DMD: variants seen among roughly 807,000 people sequenced by gnomAD.
The protein encoded by DMD is mutant dystrophin.
Under a neutral mutation model 330.1 loss-of-function variants are expected in DMD, and 63 were observed. The ratio of observed to expected loss-of-function variants is 0.19; its 90% CI spans 0.16 to 0.24. The LOEUF (loss-of-function observed/expected upper bound fraction) is 0.24. Among genes scored for constraint, DMD ranks in the 10% least tolerant of loss-of-function variants. The pLI is 1.00. For synonymous variants in DMD, 1,223 were observed against 959.8 expected (o/e 1.27, Z -5.07); for missense variants, 3,344 against 2,684.1 (o/e 1.25, Z -5.43).
chrX:32,308,480 C>A (rs1232125406), intron 42 of DMD, among the ~76,000 whole-genome samples: 1 of 110,812 alleles, frequency 9.0e-6, no homozygotes, highest in Admixed American at 9.7e-5. Context: ...AAACTATCCC[C>A]CTTCAAAAAA....
chrX:33,015,158 T>G (rs1056205451), intron 2 of DMD, among the ~76,000 whole-genome samples: 6 of 110,637 alleles, frequency 5.4e-5, no homozygotes, highest in Non-Finnish European at 1.1e-4. Context: ...AGCAATCCCA[T>G]TACTGGGCAT....
chrX:31,147,524 G>T lies in DMD; in HGVS notation c.10554-6C>A. On this transcript the variant is annotated splice_polypyrimidine_tract_variant and splice_region_variant and intron_variant, in intron 74 of 78. Coordinates refer to ENST00000357033, the MANE Select transcript of DMD (RefSeq NM_004006.3). ...CATATTCTGCTTGCAGATTCCTATTGGCATCAAAAAAGTAAAAAAGAAAAA... is the reference window on the plus strand; with the variant it reads ...CATATTCTGCTTGCAGATTCCTATTTGCATCAAAAAAGTAAAAAAGAAAAA... 1 of 1,149,552 alleles carries T rather than the reference G, an allele frequency of 8.7e-7. No individual in the cohort carries two copies. 94.7% of individuals were successfully genotyped at this position (1,149,552 alleles called of 1,213,427 possible). A position where few individuals can be genotyped will look rare whatever the true frequency, so the allele number is the denominator to read the frequency against.
chrX:33,023,537 G>A (rs2093951160), intron 1 of DMD, among the ~76,000 whole-genome samples: 1 of 111,386 alleles, frequency 9.0e-6, no homozygotes, highest in South Asian at 3.7e-4. Context: ...TAGATGTAAG[G>A]AGATCCTTGA....
At chrX:32,911,367 G>A (rs921452448) in intron 2 of DMD, among the ~76,000 whole-genome samples, 3 of 111,713 alleles carry the variant, frequency 2.7e-5, no homozygotes, top group African/African-American at 9.8e-5. Flanking sequence ...GCCATAACAT[G>A]TTCTGATTTC....
intron 1 of DMD, among the ~76,000 whole-genome samples, chrX:33,074,262 T>A (rs1260435892): frequency 8.9e-6 from 1 of 111,899 alleles, no homozygotes; most frequent in Non-Finnish European, 1.9e-5. Context: ...CACTTTACTT[T>A]TTTTTGTCTA....
At chrX:31,154,290 T>A (rs2037821807) in intron 74 of DMD, among the ~76,000 whole-genome samples, 1 of 110,466 alleles carries the variant, frequency 9.1e-6, no homozygotes, top group Admixed American at 9.6e-5. Flanking sequence ...TGTTTTTTTT[T>A]TATTTTTTTA....
intron 1 of DMD, among the ~76,000 whole-genome samples, chrX:33,049,821 A>G (rs1388835658): frequency 8.9e-6 from 1 of 111,930 alleles, no homozygotes; most frequent in Non-Finnish European, 1.9e-5. Context: ...TGTTAAGTTC[A>G]CTTAAATATT....
intron 55 of DMD, among the ~76,000 whole-genome samples, chrX:31,559,371 G>A (rs1280995396): frequency 4.1e-5 from 4 of 98,610 alleles, no homozygotes; most frequent in Admixed American, 1.1e-4. Flanking sequence ...TGCCGGGCGC[G>A]GTGGCTCACG....
intron 2 of DMD, among the ~76,000 whole-genome samples, chrX:33,011,147 G>A (rs961158419): frequency 8.1e-5 from 9 of 111,637 alleles, no homozygotes; most frequent in African/African-American, 2.6e-4. Context: ...TGAAGCATTA[G>A]TGGTGGTGGG....
intron 2 of DMD, among the ~76,000 whole-genome samples, chrX:32,989,770 T>A (rs1230547693): frequency 1.8e-5 from 2 of 111,390 alleles, no homozygotes; most frequent in East Asian, 5.6e-4. Flanking sequence ...AAAAGTACTT[T>A]GTGTAAATAG....
chrX:31,632,243 G>A (rs975123027), intron 54 of DMD, among the ~76,000 whole-genome samples: 2 of 111,546 alleles, frequency 1.8e-5, no homozygotes, highest in Non-Finnish European at 3.8e-5. Context: ...AGGGAAACTT[G>A]TTGCTTTCCG....
At chrX:31,724,014 C>G (rs1569297552) in intron 52 of DMD, among the ~76,000 whole-genome samples, 1 of 112,276 alleles carries the variant, frequency 8.9e-6, no homozygotes, top group Non-Finnish European at 1.9e-5. Context: ...TCTACCATCT[C>G]TGATATTAGA....
At chrX:33,100,359 T>A (rs1218803108) in intron 1 of DMD, among the ~76,000 whole-genome samples, 1 of 112,217 alleles carries the variant, frequency 8.9e-6, no homozygotes, top group Non-Finnish European at 1.9e-5. Context: ...ATTATACTTT[T>A]AAAATTTCTT....
intron 11 of DMD, among the ~76,000 whole-genome samples, chrX:32,633,264 TC>T (rs1286546015): frequency 1.8e-5 from 2 of 111,764 alleles, no homozygotes; most frequent in African/African-American, 3.3e-5. Flanking sequence ...ATCATCACTC[TC>T]AAGTTCAAAC....
At chrX:32,102,492 T>C (rs1456855199) in intron 44 of DMD, among the ~76,000 whole-genome samples, 1 of 111,691 alleles carries the variant, frequency 9.0e-6, no homozygotes, top group African/African-American at 3.2e-5. Flanking sequence ...AAAAGTCACA[T>C]ATTTAAATGA....
At chrX:31,797,504 G>A (rs763133369) in intron 50 of DMD, among the ~76,000 whole-genome samples, 9 of 111,792 alleles carry the variant, frequency 8.1e-5, no homozygotes, top group Non-Finnish European at 1.5e-4. Flanking sequence ...TACTAATTAC[G>A]TCTTAAATTA....
At chrX:31,529,297 A>G (rs2073511242) in intron 55 of DMD, among the ~76,000 whole-genome samples, 1 of 110,426 alleles carries the variant, frequency 9.1e-6, no homozygotes, top group Non-Finnish European at 1.9e-5. Flanking sequence ...AAGGAGGAGG[A>G]TTGCTTGAGC....
At chrX:32,893,380 CTCA>C (rs1004403132) in intron 2 of DMD, among the ~76,000 whole-genome samples, 5 of 111,942 alleles carry the variant, frequency 4.5e-5, no homozygotes, top group South Asian at 7.5e-4. Context: ...TACTCATTCT[CTCA>C]TGTCTTCCAT....
intron 74 of DMD, among the ~76,000 whole-genome samples, chrX:31,148,525 A>G (rs1459417978): frequency 8.9e-6 from 1 of 112,417 alleles, no homozygotes; most frequent in East Asian, 2.8e-4. Flanking sequence ...TTTTATACCT[A>G]TCTCCTTGGA....
Sources: allele counts gnomAD v4.1 joint callset (sites outside exome capture counted in the v4.1 genomes callset), GRCh38; gene constraint gnomAD v4.1.1; transcripts MANE v1.5; gene names NCBI Gene and HGNC (gene_info 2026-07-23, HGNC 2026-07-21).